Variants in USHBP1 observed in about 807,000 individuals in gnomAD.
USHBP1 encodes harmonin-binding protein USHBP1.
In USHBP1, 67 loss-of-function variants were observed where a neutral mutation model predicts 76.2. The ratio of observed to expected loss-of-function variants is 0.88; its 90% CI spans 0.72 to 1.08. The LOEUF (loss-of-function observed/expected upper bound fraction) is 1.08. USHBP1 is among the 50% of genes least tolerant of loss of function. The pLI is 0.00. For missense variants in USHBP1, 931 were observed against 915.0 expected (o/e 1.02, Z -0.23); for synonymous variants, 322 against 362.2 (o/e 0.89, Z 1.26).
rs1353479060 is a variant in USHBP1, at chr19:17,256,554, G to A, written c.1387C>T (p.Gln463Ter). 6.2e-7 allele frequency: 1 copy of A among 1,614,030 alleles called. No individual in the cohort carries two copies. The highest frequency in any genetic ancestry group is 8.5e-7 in the Non-Finnish European group (1 of 1,180,044). Residue 463 changes from glutamine to a stop codon, truncating the protein, a stop_gained, in exon 9 of 13, where the codon CAG becomes TAG. Transcript: ENST00000252597. LOFTEE classifies it high-confidence loss of function. ...PTVPRAEAMV[Q>*]AILGTQAGPA... is the part of the protein sequence containing the mutation. ...CCAGCCTGGGTCCCCAGAATGGCCT[G>A]CACCATGGCTTCTGCACGGGGCACA...
chr19:17,254,656 CA>C (rs77870417), intron 10 of USHBP1, among the ~76,000 whole-genome samples: 300 of 123,840 alleles, frequency 2.4e-3, no homozygotes, highest in East Asian at 2.4e-3. Flanking sequence ...AACTCTGTCT[CA>C]AAAAAAAAAA....
chr19:17,263,810 G>A (rs1356041761), intron 3 of USHBP1, 192 bp downstream of exon 3: 6 of 682,200 alleles, frequency 8.8e-6, no homozygotes. Context: ...GGGTTGCTGT[G>A]AGCCGAGATT....
Position 17,259,347 on chromosome 19 carries a change from T to G in USHBP1, c.988A>C (p.Met330Leu). 6.2e-7 allele frequency: 1 copy of G among 1,614,176 alleles called. No homozygotes were observed. The highest frequency in any genetic ancestry group is 8.5e-7 in the Non-Finnish European group (1 of 1,180,020). Residue 330 changes from methionine (M) to leucine (L), a missense_variant, in exon 7 of 13, where the codon ATG (methionine) becomes CTG (leucine). Met to Leu is a conservative substitution (Grantham distance 15). Transcript: ENST00000252597. ...GYKGRCEGLS[M>L]QLGQREAEAT... ...TCAGCCTCCCGCTGGCCTAGCTGCA[T>G]GCTGAGGCCTTCACAGCGGCCCTTG...
In USHBP1 at chr19:17,262,601, T is replaced by G; in HGVS notation, c.593A>C (p.Gln198Pro). The G allele has an allele frequency of 6.2e-7, 1 of 1,613,278 alleles. No homozygotes were observed. Among genetic ancestry groups the G allele is most frequent in the Non-Finnish European group, 8.5e-7 (1 of 1,179,676 alleles). ...SSREDELVRTQASLEAIRAEK... is the reference protein window; with the variant it reads ...SSREDELVRTPASLEAIRAEK... ...AGCTCGGATGGCCTCCAGGGAGGCC[T>G]GCGTGCGGACCAGCTCATCCTCTCG... The change falls in exon 4 of 13, where the codon CAG becomes CCG. Residue 198 changes from glutamine to proline, a missense_variant. Physicochemically the swap from Gln to Pro is moderately conservative, Grantham distance 76. Coordinates refer to ENST00000252597, the MANE Select transcript of USHBP1 (RefSeq NM_031941.4).
At chr19:17,250,889 T>C (rs576625938) in intron 12 of USHBP1, among the ~76,000 whole-genome samples, 1 of 151,034 alleles carries the variant, frequency 6.6e-6, no homozygotes, top group Admixed American at 6.6e-5. Flanking sequence ...AGATGGGGTT[T>C]CGCTCTTGTT....
chr19:17,255,296 A>G, intron 10 of USHBP1, 89 bp downstream of exon 10: 1 of 1,380,406 alleles, frequency 7.2e-7, no homozygotes, highest in Non-Finnish European at 9.5e-7. Flanking sequence ...CCGTCTCAAA[A>G]AAAACAAAAA....
At chr19:17,253,857 GC>G (rs1443552920) in intron 10 of USHBP1, among the ~76,000 whole-genome samples, 1 of 146,696 alleles carries the variant, frequency 6.8e-6, no homozygotes, top group Non-Finnish European at 1.5e-5. Flanking sequence ...TCGCACCACT[GC>G]ACTCCAGCCT....
Position 17,250,415 on chromosome 19 carries a change from C to G in USHBP1, c.1923-1G>C, listed in dbSNP as rs755433600. On this transcript the variant is annotated splice_acceptor_variant, in intron 12 of 12. Coordinates refer to ENST00000252597, the MANE Select transcript of USHBP1 (RefSeq NM_031941.4). LOFTEE classifies it high-confidence loss of function. ...TCCTCGGAAGGCCAGGACCAGGGCGCTGGAAGGGGTGGGTGGCTGGGTCAG... is the reference window on the plus strand; with the variant it reads ...TCCTCGGAAGGCCAGGACCAGGGCGGTGGAAGGGGTGGGTGGCTGGGTCAG... 6.2e-7 allele frequency: 1 copy of G among 1,611,214 alleles called. No individual in the cohort carries two copies. The highest frequency in any genetic ancestry group is 8.5e-7 in the Non-Finnish European group (1 of 1,179,580).
chr19:17,252,199 A>T (rs888018620), intron 10 of USHBP1, among the ~76,000 whole-genome samples, 182 bp from the exon 11 acceptor site: 14 of 152,028 alleles, frequency 9.2e-5, no homozygotes, highest in African/African-American at 3.1e-4. Context: ...TATTTAATTA[A>T]AAAAAATTTT....
At chr19:17,263,047 T>C in intron 3 of USHBP1, 57 bp from the exon 4 acceptor site, 1 of 1,481,902 alleles carries the variant, frequency 6.7e-7, no homozygotes, top group Non-Finnish European at 9.0e-7. Context: ...GAATTCTTTT[T>C]TATTTTTTGA....
Position 17,249,921 on chromosome 19 carries a change from C to T in USHBP1, c.*304G>A. 2 of 361,246 alleles carry T rather than the reference C, an allele frequency of 5.5e-6. No homozygotes were observed. Among genetic ancestry groups the T allele is most frequent in the Non-Finnish European group, 1.0e-5 (2 of 197,490 alleles). 22.4% of individuals were successfully genotyped at this position (361,246 alleles called of 1,614,324 possible). On this transcript the variant is annotated 3_prime_UTR_variant, in exon 13 of 13. Transcript: ENST00000252597. ...AGTTGGAACTTCAGCTGTGGCTATG[C>T]AACCTCACGGACCCCCGAAATGCGT...
chr19:17,253,003 C>G (rs146008142), intron 10 of USHBP1, among the ~76,000 whole-genome samples: 2,245 of 152,174 alleles, frequency 0.015, 36 homozygotes, highest in South Asian at 0.041. Context: ...GAGTCTCGCT[C>G]TGTCGCCCAG....
At chr19:17,260,605 C>T (rs2073675246) in intron 4 of USHBP1, among the ~76,000 whole-genome samples, 1 of 152,166 alleles carries the variant, frequency 6.6e-6, no homozygotes, top group Admixed American at 6.6e-5. Flanking sequence ...GCTGGGATTA[C>T]AGGCATGAGA....
intron 5 of USHBP1, 56 bp from the exon 6 acceptor site, chr19:17,259,788 T>C: frequency 3.0e-5 from 48 of 1,580,158 alleles, no homozygotes; most frequent in Non-Finnish European, 4.0e-5. Flanking sequence ...CCTGGGATTG[T>C]AGGCATTTTG....
chr19:17,264,714 C>T lies in USHBP1; in HGVS notation c.-92G>A, dbSNP rs1021781227. ...GTAACTTGATCAGAGGCCTGAGTCC[C>T]GGGACACTCTGTTGGGGTCACTCTG... On this transcript the variant is annotated 5_prime_UTR_variant, in exon 1 of 13. Coordinates refer to ENST00000252597, the MANE Select transcript of USHBP1 (RefSeq NM_031941.4). The T allele has an allele frequency of 7.3e-5, 15 of 205,204 alleles. No homozygotes were observed. Among genetic ancestry groups the T allele is most frequent in the South Asian group, 4.1e-4 (5 of 12,212 alleles). The allele number at this position is 205,204 out of a possible 1,614,324, so 12.7% of individuals were successfully genotyped here.
At chr19:17,258,141 C>G in intron 8 of USHBP1, 71 bp downstream of exon 8, 1 of 1,601,312 alleles carries the variant, frequency 6.2e-7, no homozygotes, top group East Asian at 2.2e-5. Context: ...GTGGTGAGCT[C>G]TGGGAGCCCC....
chr19:17,253,939 G>A (rs1314593168), intron 10 of USHBP1, among the ~76,000 whole-genome samples: 1 of 151,314 alleles, frequency 6.6e-6, no homozygotes, highest in African/African-American at 2.4e-5. Flanking sequence ...CAGGCGCTGT[G>A]GCTCATGGCT....
At chr19:17,253,187 C>G (rs1442115345) in intron 10 of USHBP1, among the ~76,000 whole-genome samples, 3 of 151,940 alleles carry the variant, frequency 2.0e-5, no homozygotes, top group Admixed American at 2.0e-4. Flanking sequence ...CGAGGATGGT[C>G]TCGATCTCCT....
chr19:17,262,626 G>A lies in USHBP1; in HGVS notation c.568C>T (p.Arg190Ter), dbSNP rs371750032. Reference protein sequence around the residue: ...NAWLRLALSSREDELVRTQAS... With the variant: ...NAWLRLALSS Reference sequence around the variant, plus strand: ...TGCGTGCGGACCAGCTCATCCTCTCGGCTACTCAGGGCCAGCCGGAGCCAG... The same window carrying A: ...TGCGTGCGGACCAGCTCATCCTCTCAGCTACTCAGGGCCAGCCGGAGCCAG... The change falls in exon 4 of 13, where the codon CGA becomes TGA. Residue 190 changes from arginine to a stop codon, truncating the protein, a stop_gained. Coordinates refer to ENST00000252597, the MANE Select transcript of USHBP1 (RefSeq NM_031941.4). LOFTEE classifies it high-confidence loss of function. 1.1e-5 allele frequency: 18 copies of A among 1,613,606 alleles called. No individual in the cohort carries two copies. Among genetic ancestry groups the A allele is most frequent in the Admixed American group, 6.7e-5 (4 of 59,986 alleles).
Sources: allele counts gnomAD v4.1 joint callset (sites outside exome capture counted in the v4.1 genomes callset), GRCh38; gene constraint gnomAD v4.1.1; transcripts MANE v1.5; gene names NCBI Gene and HGNC (gene_info 2026-07-23, HGNC 2026-07-21).